CNNM2: variants seen among roughly 807,000 people sequenced by gnomAD.
CNNM2 encodes the protein metal transporter CNNM2.
A neutral mutation model predicts 66.9 loss-of-function variants in CNNM2; 12 were observed. The observed-to-expected ratio is 0.18, with a 90% confidence interval of 0.11 to 0.29. The LOEUF (loss-of-function observed/expected upper bound fraction) is 0.29. CNNM2 is among the 10% of genes least tolerant of loss of function. The pLI is 1.00. For synonymous variants in CNNM2, 557 were observed against 501.8 expected (o/e 1.11, Z -1.47); for missense variants, 705 against 1,167.7 (o/e 0.60, Z 5.77).
In CNNM2 at chr10:103,054,197, C is replaced by G; in HGVS notation, c.1766-132C>G. 1 of 983,546 alleles carries G rather than the reference C, an allele frequency of 1.0e-6. No individual in the cohort carries two copies. The highest frequency in any genetic ancestry group is 2.7e-5 in the East Asian group (1 of 37,732). The allele number at this position is 983,546 out of a possible 1,614,324, so 60.9% of individuals were successfully genotyped here. A position where few individuals can be genotyped will look rare whatever the true frequency, so the allele number is the denominator to read the frequency against. On this transcript the variant is annotated intron_variant, in intron 2 of 7. Coordinates refer to ENST00000369878, the MANE Select transcript of CNNM2 (RefSeq NM_017649.5). This position sits in a 1 kb window ranked among gnomAD's most constrained non-coding sequence, Gnocchi z 5.2. ...CTCCCTCCCTCCTTCCCCGTGGCAT[C>G]TGTGCATAGAGCGCCTGCATCTGGA... is the stretch of plus-strand genomic sequence containing the variant.
chr10:102,976,184 A>G (rs1046309700), intron 1 of CNNM2, among the ~76,000 whole-genome samples: 5 of 152,204 alleles, frequency 3.3e-5, no homozygotes, highest in Admixed American at 2.6e-4. Context: ...GCTTGTGCTA[A>G]TTTTCTGTCA....
intron 1 of CNNM2, among the ~76,000 whole-genome samples, chr10:103,022,043 G>A (rs2064593016): frequency 1.3e-5 from 2 of 152,162 alleles, no homozygotes; most frequent in African/African-American, 4.8e-5. Flanking sequence ...GTGGCATTCT[G>A]AGTGAGTGAA....
At chr10:102,993,277 T>G (rs1260962473) in intron 1 of CNNM2, among the ~76,000 whole-genome samples, 4 of 152,180 alleles carry the variant, frequency 2.6e-5, no homozygotes, top group Non-Finnish European at 5.9e-5. Flanking sequence ...CAGAGTAGAT[T>G]ATTGATCTAG....
intron 1 of CNNM2, among the ~76,000 whole-genome samples, chr10:102,985,839 C>T (rs891664043): frequency 7.9e-5 from 12 of 152,230 alleles, no homozygotes; most frequent in South Asian, 4.1e-4. Flanking sequence ...GTGAATGGGC[C>T]CTGCCAACTG....
chr10:103,020,313 G>A (rs992263290), intron 1 of CNNM2, among the ~76,000 whole-genome samples: 4 of 151,900 alleles, frequency 2.6e-5, no homozygotes, highest in Non-Finnish European at 4.4e-5. Context: ...CCACCACCAC[G>A]CCCAGCTAAT....
rs1388692907 is a variant in CNNM2 at position 103,088,747 on chromosome 10, T to A, written c.*11567T>A. On this transcript the variant is annotated 3_prime_UTR_variant, in exon 8 of 8. Transcript: ENST00000369878. Reference sequence around the variant, plus strand: ...GATTGTGCCCTCTACTTTAGTAAGGTTCTGGCTTACAGAGCCCTCTTCCCA... The same window carrying A: ...GATTGTGCCCTCTACTTTAGTAAGGATCTGGCTTACAGAGCCCTCTTCCCA... 5.6e-6 allele frequency: 1 copy of A among 179,742 alleles called. No individual in the cohort carries two copies. Among genetic ancestry groups the A allele is most frequent in the East Asian group, 9.2e-5 (1 of 10,910 alleles). 11.1% of individuals were successfully genotyped at this position (179,742 alleles called of 1,614,324 possible).
intron 6 of CNNM2, among the ~76,000 whole-genome samples, chr10:103,073,868 C>CAAAAAAAAAA (rs61331007): frequency 4.3e-5 from 3 of 70,242 alleles, no homozygotes; most frequent in Non-Finnish European, 7.3e-5. Context: ...GACTCCGTCT[C>CAAAAAAAAAA]AAAAAAAAAA....
chr10:103,032,090 A>G (rs2064835202), intron 1 of CNNM2, among the ~76,000 whole-genome samples: 1 of 152,264 alleles, frequency 6.6e-6, no homozygotes, highest in East Asian at 1.9e-4. Flanking sequence ...GAGGTGTCCA[A>G]CACTGTCAGA....
chr10:103,066,524 A>T (rs1013355597), intron 4 of CNNM2, among the ~76,000 whole-genome samples: 2 of 152,022 alleles, frequency 1.3e-5, no homozygotes, highest in Non-Finnish European at 1.5e-5. Flanking sequence ...TTGCCTGGGG[A>T]TCTGCTCACC....
intron 1 of CNNM2, among the ~76,000 whole-genome samples, chr10:102,999,794 T>C (rs1027059317): frequency 4.6e-5 from 7 of 152,194 alleles, no homozygotes; most frequent in Non-Finnish European, 8.8e-5. Context: ...AAGATTCTTA[T>C]CACTAATCAC....
In CNNM2 at chr10:103,089,858, C is replaced by T. The variant is rs2066236647; in HGVS notation, c.*12678C>T. 1.2e-6 allele frequency: 2 copies of T among 1,613,870 alleles called. No individual in the cohort carries two copies. The highest frequency in any genetic ancestry group is 1.7e-6 in the Non-Finnish European group (2 of 1,179,916). ...GGTTCCGGGTGGCAAGAGGAGACTC[C>T]ATCTCATTGATATCTACGTGTGTGT... On this transcript the variant is annotated 3_prime_UTR_variant, in exon 8 of 8. Coordinates refer to ENST00000369878, the MANE Select transcript of CNNM2 (RefSeq NM_017649.5).
At chr10:103,028,051 C>G (rs1322929394) in intron 1 of CNNM2, among the ~76,000 whole-genome samples, 1 of 152,114 alleles carries the variant, frequency 6.6e-6, no homozygotes, top group Non-Finnish European at 1.5e-5. Context: ...TATTTGAGCT[C>G]TTAAAATCTG....
chr10:102,946,407 G>T (rs1846619120), intron 1 of CNNM2, among the ~76,000 whole-genome samples: 1 of 152,036 alleles, frequency 6.6e-6, no homozygotes, highest in South Asian at 2.1e-4. Context: ...ATTGATTGTT[G>T]TCCGGAATCT....
chr10:103,019,928 T>C (rs565530733), intron 1 of CNNM2, among the ~76,000 whole-genome samples: 1 of 152,328 alleles, frequency 6.6e-6, no homozygotes, highest in South Asian at 2.1e-4. Flanking sequence ...AAAAAATGTC[T>C]GAAAGGTAGT....
rs1351089099 is a variant in CNNM2 at position 103,089,218 on chromosome 10, A to G, written c.*12038A>G. On this transcript the variant is annotated 3_prime_UTR_variant, in exon 8 of 8. Transcript: ENST00000369878. ...CTACATTTGATCATGGAAATAATACATTTCTCCACTGATATACAATACCAT... is the reference window on the plus strand; with the variant it reads ...CTACATTTGATCATGGAAATAATACGTTTCTCCACTGATATACAATACCAT... The G allele has an allele frequency of 1.4e-5, 3 of 221,406 alleles. No homozygotes were observed. Among genetic ancestry groups the G allele is most frequent in the African/African-American group, 6.7e-5 (3 of 44,704 alleles). The allele number at this position is 221,406 out of a possible 1,614,324, so 13.7% of individuals were successfully genotyped here. A position where few individuals can be genotyped will look rare whatever the true frequency, so the allele number is the denominator to read the frequency against.
chr10:103,071,752 C>T (rs1564871022), intron 5 of CNNM2, 22 bp from the exon 6 acceptor site: 1 of 1,606,726 alleles, frequency 6.2e-7, no homozygotes, highest in Non-Finnish European at 8.5e-7. Flanking sequence ...GCGATCTCAC[C>T]CTGTTTTTCT....
At chr10:102,945,857 C>G (rs1846600614) in intron 1 of CNNM2, among the ~76,000 whole-genome samples, 1 of 151,850 alleles carries the variant, frequency 6.6e-6, no homozygotes. Flanking sequence ...TGATGAGCTC[C>G]TTGAGGTCAG....
chr10:103,004,419 G>A (rs1450416557), intron 1 of CNNM2, among the ~76,000 whole-genome samples: 1 of 152,160 alleles, frequency 6.6e-6, no homozygotes, highest in Admixed American at 6.5e-5. Context: ...GTCTTTTGGT[G>A]GACATCTGTG....
At chr10:103,065,765 A>C (rs865871925) in intron 4 of CNNM2, among the ~76,000 whole-genome samples, 15 of 152,310 alleles carry the variant, frequency 9.8e-5, no homozygotes, top group South Asian at 2.1e-4. Context: ...CAAACTACAA[A>C]GCAGACATTT....
Sources: allele counts gnomAD v4.1 joint callset (sites outside exome capture counted in the v4.1 genomes callset), GRCh38; gene constraint gnomAD v4.1.1; non-coding constraint Gnocchi (gnomAD v3.1); transcripts MANE v1.5; gene names NCBI Gene and HGNC (gene_info 2026-07-23, HGNC 2026-07-21).